MPG: variants seen among roughly 807,000 people sequenced by gnomAD.
MPG encodes N-methylpurine DNA glycosylase.
In MPG, 33 loss-of-function variants were observed where a neutral mutation model predicts 31.7. The observed-to-expected ratio is 1.04, with a 90% CI of 0.79 to 1.39. The LOEUF is 1.39. Ranked by LOEUF, MPG falls within the 40% of genes most tolerant of loss-of-function variation. The pLI is 0.00. For synonymous variants in MPG, 202 were observed against 169.2 expected, an observed-to-expected ratio of 1.19 and a Z score of -1.51; for missense variants, 455 against 415.5, an observed-to-expected ratio of 1.10 and a Z score of -0.83.
rs558090660 is a variant in MPG, at chr16:85,543, G to A, written c.648G>A (p.Leu216=). The A allele has an allele frequency of 1.9e-6, 3 of 1,613,440 alleles. No homozygotes were observed. The highest frequency in any genetic ancestry group is 1.1e-5 in the South Asian group (1 of 91,090). Residue 216 remains leucine (L), a synonymous_variant, in exon 4 of 4, where the codon CTG becomes CTA. Transcript: ENST00000356432. ...DRELCSGPSK[L]CQALAINKSF... Reference sequence around the variant, plus strand: ...AGCTCTGCAGTGGCCCCTCCAAGCTGTGCCAGGCCCTGGCCATCAACAAGA... The same window carrying A: ...AGCTCTGCAGTGGCCCCTCCAAGCTATGCCAGGCCCTGGCCATCAACAAGA...
chr16:78,191 T>C, upstream of MPG: 1 of 962,912 alleles, frequency 1.0e-6, no homozygotes, highest in Non-Finnish European at 1.4e-6. Flanking sequence ...TCTCCCGGCT[T>C]CCGTCCCCTT....
Position 83,462 on chromosome 16 carries a change from C to T in MPG, c.505+206C>T, listed in dbSNP as rs771201306. On this transcript the variant is annotated intron_variant, in intron 3 of 3. Coordinates refer to ENST00000356432, the MANE Select transcript of MPG (RefSeq NM_001015052.3). ...AGGGGTAGAAAGGGCCGGGTGGGGCCGGGCGCGGTGGCTCACGCCTGTCAT... is the reference window on the plus strand; with the variant it reads ...AGGGGTAGAAAGGGCCGGGTGGGGCTGGGCGCGGTGGCTCACGCCTGTCAT... The T allele has an allele frequency of 3.2e-5, 18 of 557,770 alleles. No homozygotes were observed. In the Admixed American group the frequency reaches 3.7e-4, roughly 12 times the overall value. 34.6% of individuals were successfully genotyped at this position (557,770 alleles called of 1,614,324 possible).
upstream of MPG, chr16:78,129 G>A (rs867079787): frequency 7.4e-5 from 28 of 380,640 alleles, 1 homozygote; most frequent in South Asian, 1.6e-3. Context: ...ACCTCCACGT[G>A]GCCCGCCCCG....
chr16:81,429 G>A (rs1221339021), intron 2 of MPG, among the ~76,000 whole-genome samples: 1 of 152,180 alleles, frequency 6.6e-6, no homozygotes, highest in Non-Finnish European at 1.5e-5. Context: ...TGAAGCCCCT[G>A]GAGGGGCATT....
chr16:81,102 G>C (rs1898224784), intron 2 of MPG, among the ~76,000 whole-genome samples: 1 of 152,140 alleles, frequency 6.6e-6, no homozygotes, highest in Non-Finnish European at 1.5e-5. Flanking sequence ...AGCCAGGCTT[G>C]GGTCATGCAC....
chr16:84,020 G>T (rs1898339596), intron 3 of MPG, among the ~76,000 whole-genome samples: 1 of 152,166 alleles, frequency 6.6e-6, no homozygotes, highest in Non-Finnish European at 1.5e-5. Flanking sequence ...TCAGGATGTG[G>T]GACTTGGATG....
At chr16:78,456 G>A in intron 1 of MPG, 123 bp downstream of exon 1, 4 of 897,834 alleles carry the variant, frequency 4.5e-6, no homozygotes, top group Non-Finnish European at 5.7e-6. Context: ...CGAGGGTTCG[G>A]GGCAGAGCCA....
At chr16:77,968 C>CG (rs995873242), upstream of MPG, 4 of 201,224 alleles carry the variant, frequency 2.0e-5, no homozygotes, top group Non-Finnish European at 4.0e-5. Flanking sequence ...AGGGCGCAGG[C>CG]GGGGGCGGAC....
At position 85,391 on chromosome 16, in the gene MPG, C is replaced by G. The variant is rs375910503; in HGVS notation, c.506-10C>G. The stretch of plus-strand genomic sequence containing the variant: ...AGGGAGGCTCCACTTCCAAACTGTC[C>G]GTCCCACAGGGGACGGGGCTTGCGT... On this transcript the variant is annotated splice_polypyrimidine_tract_variant and intron_variant, in intron 3 of 3. Coordinates refer to ENST00000356432, the MANE Select transcript of MPG (RefSeq NM_001015052.3). 97 of 1,591,154 alleles carry G rather than the reference C, an allele frequency of 6.1e-5. No individual in the cohort carries two copies. The Middle Eastern group carries it at 1.2e-3, about 20-fold the overall frequency.
At chr16:84,948 T>C (rs541469997) in intron 3 of MPG, among the ~76,000 whole-genome samples, 1 of 152,376 alleles carries the variant, frequency 6.6e-6, no homozygotes, top group South Asian at 2.1e-4. Context: ...GGCTTCCTGC[T>C]TCCTGGCTGA....
Position 79,406 on chromosome 16 carries a change from ATTTT to A in MPG, c.25-14_25-11del, listed in dbSNP as rs1555437691. 26 of 1,613,180 alleles carry A rather than the reference ATTTT, an allele frequency of 1.6e-5. No individual in the cohort carries two copies. Among genetic ancestry groups the A allele is most frequent in the Non-Finnish European group, 2.1e-5 (25 of 1,179,828 alleles). On this transcript the variant is annotated splice_polypyrimidine_tract_variant and intron_variant, in intron 1 of 3. Transcript: ENST00000356432. ...CTGTCTCCTATTCGGATGCTTATTTATTTTTTTTCCCATTACAGTTTTGCCGACG... is the reference window on the plus strand; with the variant it reads ...CTGTCTCCTATTCGGATGCTTATTTATTTTCCCATTACAGTTTTGCCGACG...
chr16:77,330 C>T (rs1424892987), upstream of MPG, among the ~76,000 whole-genome samples: 1 of 152,200 alleles, frequency 6.6e-6, no homozygotes, highest in Non-Finnish European at 1.5e-5. Context: ...TGGGAGCCAG[C>T]AGTGTGCCCA....
chr16:79,684 G>C lies in MPG; in HGVS notation c.284G>C (p.Arg95Pro), dbSNP rs866971335. Reference protein sequence around the residue: ...FFDQPAVPLARAFLGQVLVRR... With the variant: ...FFDQPAVPLAPAFLGQVLVRR... The stretch of plus-strand genomic sequence containing the variant: ...GACCAGCCGGCAGTCCCCCTGGCCC[G>C]GGCATTTCTGGGACAGGTAATGTGA... The change falls in exon 2 of 4, where the codon CGG (arginine) becomes CCG (proline). Residue 95 changes from arginine to proline, a missense_variant. Arg to Pro is a moderately radical substitution (Grantham distance 103, BLOSUM62 -2). Transcript: ENST00000356432. The C allele has an allele frequency of 6.4e-7, 1 of 1,559,750 alleles. No individual in the cohort carries two copies. The highest frequency in any genetic ancestry group is 8.7e-7 in the Non-Finnish European group (1 of 1,150,804).
rs1898294297 is a variant in MPG, at chr16:83,036, AACTG to A, written c.301-11_301-8del. Reference sequence around the variant, plus strand: ...CCCATCCCTTCCCGCCCTGAGCAGAAACTGACTGCCCACAGGTCCTAGTCCGGCG... The same window carrying A: ...CCCATCCCTTCCCGCCCTGAGCAGAAACTGCCCACAGGTCCTAGTCCGGCG... On this transcript the variant is annotated splice_polypyrimidine_tract_variant and intron_variant, in intron 2 of 3. Coordinates refer to ENST00000356432, the MANE Select transcript of MPG (RefSeq NM_001015052.3). The A allele has an allele frequency of 1.3e-6, 2 of 1,575,768 alleles. No homozygotes were observed. The highest frequency in any genetic ancestry group is 1.7e-6 in the Non-Finnish European group (2 of 1,158,328).
chr16:78,255 T>C lies in MPG; in HGVS notation c.-55T>C. The C allele has an allele frequency of 3.7e-6, 5 of 1,366,334 alleles. No homozygotes were observed. Among genetic ancestry groups the C allele is most frequent in the Non-Finnish European group, 3.8e-6 (4 of 1,055,642 alleles). 84.6% of individuals were successfully genotyped at this position (1,366,334 alleles called of 1,614,324 possible). A position where few individuals can be genotyped will look rare whatever the true frequency, so the allele number is the denominator to read the frequency against. ...TAGGGGTGCTTCCGTGGTCGGCGGC[T>C]GCTGGGCTCCGCGCCGGGGTCCGAG... On this transcript the variant is annotated 5_prime_UTR_variant, in exon 1 of 4. Transcript: ENST00000356432.
At chr16:78,396 C>G in intron 1 of MPG, 63 bp downstream of exon 1, 1 of 1,166,116 alleles carries the variant, frequency 8.6e-7, no homozygotes, top group Non-Finnish European at 1.1e-6. Context: ...CAGCAGCGAG[C>G]GCGGCCGCGG....
rs764532513 is a variant in MPG, at chr16:82,082, C to CCG, written c.301-970_301-969insCG. 1.3e-4 allele frequency among the ~76,000 whole-genome samples: 15 copies of CCG among 115,450 alleles called. 1 individual carries two copies. Among genetic ancestry groups the CCG allele is most frequent in the Middle Eastern group, 4.4e-3 (1 of 228 alleles). 75.7% of individuals were successfully genotyped at this position (115,450 alleles called of 152,430 possible). ...CCGGGAAGGCCTCCTGAATGCTCCC[C>CCG]ACGCTGGCCCCTTCTTCCCACCACC... is the stretch of plus-strand genomic sequence containing the variant. On this transcript the variant is annotated intron_variant, in intron 2 of 3. Transcript: ENST00000356432.
chr16:78,064 G>A, upstream of MPG: 1 of 308,808 alleles, frequency 3.2e-6, no homozygotes, highest in Non-Finnish European at 5.9e-6. Context: ...CGCAGGCACC[G>A]CATCGGGCCC....
rs898008178 is a variant in MPG at position 78,342 on chromosome 16, G to T, written c.24+9G>T. Reference sequence around the variant, plus strand: ...CGCGCAGCGGGGCCCAGGTGAGCGCGCGCCTCGGCCGCCCCGCGGAACAGA... The same window carrying T: ...CGCGCAGCGGGGCCCAGGTGAGCGCTCGCCTCGGCCGCCCCGCGGAACAGA... On this transcript the variant is annotated intron_variant, in intron 1 of 3. Transcript: ENST00000356432. 5.6e-6 allele frequency: 7 copies of T among 1,247,818 alleles called. No homozygotes were observed. In the African/African-American group the frequency reaches 9.4e-5, roughly 17 times the overall value. The allele number at this position is 1,247,818 out of a possible 1,614,324, so 77.3% of individuals were successfully genotyped here.
Sources: gnomAD v4.1 joint callset for allele counts (sites outside exome capture counted in the v4.1 genomes callset) on GRCh38, gnomAD v4.1.1 for gene constraint, MANE v1.5 for transcripts, NCBI Gene and HGNC (gene_info 2026-07-23, HGNC 2026-07-21) for gene names.